HELZ: variants seen among roughly 807,000 people sequenced by gnomAD.
HELZ encodes ATP-dependent RNA helicase with zinc finger domain.
In HELZ, 23 loss-of-function variants were observed where a neutral mutation model predicts 218.2. That is an observed-to-expected ratio of 0.11 (90% CI 0.08 to 0.15). The LOEUF (loss-of-function observed/expected upper bound fraction) is 0.15. Among genes scored for constraint, HELZ ranks in the 10% least tolerant of loss-of-function variants. HELZ has a pLI of 1.00. For missense variants in HELZ, 1,813 were observed against 2,353.7 expected, an observed-to-expected ratio of 0.77 and a Z score of 4.75; for synonymous variants, 814 against 829.4, an observed-to-expected ratio of 0.98 and a Z score of 0.32.
intron 9 of HELZ, among the ~76,000 whole-genome samples, chr17:67,191,764 T>C (rs2039902621): frequency 1.0e-5 from 1 of 96,134 alleles, no homozygotes; most frequent in South Asian, 2.9e-4. Context: ...GATCATTAAC[T>C]TTTTTTTTTT....
At chr17:67,193,174 C>T (rs1156840279) in intron 9 of HELZ, among the ~76,000 whole-genome samples, 3 of 151,588 alleles carry the variant, frequency 2.0e-5, no homozygotes, top group Non-Finnish European at 4.4e-5. Flanking sequence ...GAAACCCCAT[C>T]TCTACAAAAA....
chr17:67,126,872 T>C (rs1403393026), intron 24 of HELZ, among the ~76,000 whole-genome samples: 2 of 151,024 alleles, frequency 1.3e-5, no homozygotes, highest in Non-Finnish European at 3.0e-5. Context: ...AAAATAATAA[T>C]AGTAATAATA....
intron 5 of HELZ, among the ~76,000 whole-genome samples, chr17:67,205,892 C>T (rs1047781550): frequency 7.9e-5 from 12 of 152,106 alleles, no homozygotes; most frequent in African/African-American, 2.4e-4. Context: ...CTTCCTGTTC[C>T]CCTTAAATGA....
At chr17:67,190,814 A>G (rs1254706964) in intron 9 of HELZ, among the ~76,000 whole-genome samples, 1 of 152,104 alleles carries the variant, frequency 6.6e-6, no homozygotes, top group Non-Finnish European at 1.5e-5. Flanking sequence ...GGTTTCAAGC[A>G]ATTCTCTGCC....
At chr17:67,136,953 G>T (rs975455473) in intron 22 of HELZ, among the ~76,000 whole-genome samples, 1 of 151,962 alleles carries the variant, frequency 6.6e-6, no homozygotes, top group Non-Finnish European at 1.5e-5. Flanking sequence ...TACATCATAC[G>T]CATTTTACCA....
At chr17:67,173,119 G>T in intron 13 of HELZ, 1 of 746,042 alleles carries the variant, frequency 1.3e-6, no homozygotes, top group Non-Finnish European at 1.6e-6. Flanking sequence ...CCTAAGAAAT[G>T]CAGCTTTTCC....
chr17:67,103,490 A>T (rs375417654), intron 31 of HELZ, among the ~76,000 whole-genome samples: 2 of 152,216 alleles, frequency 1.3e-5, no homozygotes, highest in East Asian at 3.8e-4. Flanking sequence ...AATTCCATTT[A>T]TGATAGCATG....
chr17:67,213,406 G>A (rs767249663), intron 5 of HELZ, among the ~76,000 whole-genome samples: 1 of 152,104 alleles, frequency 6.6e-6, no homozygotes, highest in Non-Finnish European at 1.5e-5. Flanking sequence ...GGCAGGTCAC[G>A]AGGTCAAGAG....
intron 21 of HELZ, among the ~76,000 whole-genome samples, chr17:67,145,484 T>C (rs1281029403): frequency 6.6e-6 from 1 of 152,192 alleles, no homozygotes; most frequent in Non-Finnish European, 1.5e-5. Context: ...TTGAGAACAA[T>C]CTTGGTTTTT....
At chr17:67,104,300 G>A (rs1338531771) in intron 31 of HELZ, among the ~76,000 whole-genome samples, 2 of 152,110 alleles carry the variant, frequency 1.3e-5, no homozygotes, top group African/African-American at 4.8e-5. Context: ...TTAGCCGGGT[G>A]TGGTGGTGGA....
intron 9 of HELZ, 128 bp from the exon 10 acceptor site, chr17:67,190,483 G>T (rs996851237): frequency 6.1e-6 from 4 of 658,540 alleles, no homozygotes; most frequent in African/African-American, 3.6e-5. Context: ...CATATTTATC[G>T]TACTGTCTTG....
chr17:67,096,150 G>A (rs899157255), intron 31 of HELZ, among the ~76,000 whole-genome samples: 10 of 38,648 alleles, frequency 2.6e-4, no homozygotes, highest in South Asian at 1.4e-3. Flanking sequence ...CCCCTCCCCC[G>A]CCCACCAGCA....
At chr17:67,089,694 G>GAGAGAGAGAGAGAGAGAGAGAGAGAGAC (rs776184027) in intron 31 of HELZ, among the ~76,000 whole-genome samples, 21 of 100,694 alleles carry the variant, frequency 2.1e-4, no homozygotes, top group South Asian at 9.4e-4. Context: ...GAGAGAGAGA[G>GAGAGAGAGAGAGAGAGAGAGAGAGAGAC]AGAGAGACAG....
chr17:67,177,805 G>A lies in HELZ; in HGVS notation c.1430+854C>T, dbSNP rs2039502949. 2.0e-5 allele frequency among the ~76,000 whole-genome samples: 3 copies of A among 152,044 alleles called. No individual in the cohort carries two copies. The South Asian group carries it at 6.2e-4, about 31-fold the overall frequency. On this transcript the variant is annotated intron_variant, in intron 13 of 32. Coordinates refer to ENST00000358691, the MANE Select transcript of HELZ (RefSeq NM_014877.4). ...ATCATAACTAATCTATAAATAGGGT[G>A]ACCAAAATATCTATAAGTTTTCACT...
chr17:67,228,179 G>A (rs973305144), intron 3 of HELZ, among the ~76,000 whole-genome samples: 4 of 152,114 alleles, frequency 2.6e-5, no homozygotes, highest in Admixed American at 2.6e-4. Context: ...TCCGTAATTG[G>A]TTCTTAATCA....
chr17:67,210,746 A>G (rs1423088420), intron 5 of HELZ, among the ~76,000 whole-genome samples: 2 of 151,888 alleles, frequency 1.3e-5, no homozygotes, highest in Non-Finnish European at 2.9e-5. Flanking sequence ...ACATGGTGAA[A>G]CCCTGTCTCT....
intron 23 of HELZ, among the ~76,000 whole-genome samples, chr17:67,132,459 C>T (rs923277199): frequency 1.3e-5 from 2 of 152,184 alleles, no homozygotes; most frequent in Non-Finnish European, 2.9e-5. Context: ...GGCAGCATAA[C>T]CAGAGAGAAG....
At chr17:67,175,180 A>G (rs2039419736) in intron 13 of HELZ, among the ~76,000 whole-genome samples, 1 of 152,180 alleles carries the variant, frequency 6.6e-6, no homozygotes, top group Non-Finnish European at 1.5e-5. Flanking sequence ...CCCAAAGCCA[A>G]CCTTCAAACT....
intron 12 of HELZ, among the ~76,000 whole-genome samples, chr17:67,187,406 G>A (rs535475222): frequency 6.6e-6 from 1 of 152,112 alleles, no homozygotes; most frequent in South Asian, 2.1e-4. Context: ...AAGTAAAGAG[G>A]AAGACAGACC....
Sources: allele counts gnomAD v4.1 joint callset (sites outside exome capture counted in the v4.1 genomes callset), GRCh38; gene constraint gnomAD v4.1.1; transcripts MANE v1.5; gene names NCBI Gene and HGNC (gene_info 2026-07-23, HGNC 2026-07-21).